The following KCNK5 variants were observed in gnomAD, a reference collection of about 807,000 sequenced individuals.
The protein encoded by KCNK5 is potassium two pore domain channel subfamily K member 5, also known as potassium channel subfamily K member 5.
In KCNK5, 18 loss-of-function variants were observed where a neutral mutation model predicts 32.9. The observed-to-expected ratio is 0.55, with a 90% CI of 0.38 to 0.81. The LOEUF is 0.81. Among genes scored for constraint, KCNK5 ranks in the 30% least tolerant of loss-of-function variants. The pLI, the probability that KCNK5 is intolerant of heterozygous loss-of-function variation, is 0.00. For synonymous variants in KCNK5, 276 were observed against 275.3 expected (o/e 1.00, Z -0.03); for missense variants, 507 against 651.0 (o/e 0.78, Z 2.41).
At chr6:39,211,185 T>A (rs959138986) in intron 1 of KCNK5, among the ~76,000 whole-genome samples, 29 of 152,282 alleles carry the variant, frequency 1.9e-4, no homozygotes, top group African/African-American at 6.7e-4. Context: ...TGAGGGATAC[T>A]TGGTGCTTCC....
Position 39,194,428 on chromosome 6 carries a change from G to A in KCNK5, c.466-91C>T. The A allele has an allele frequency of 6.8e-7, 1 of 1,468,460 alleles. No homozygotes were observed. Among genetic ancestry groups the A allele is most frequent in the Non-Finnish European group, 9.2e-7 (1 of 1,083,838 alleles). 91.0% of individuals were successfully genotyped at this position (1,468,460 alleles called of 1,614,324 possible). On this transcript the variant is annotated intron_variant, in intron 3 of 4. Transcript: ENST00000359534. The surrounding 1 kb of genome is among the most constrained non-coding windows in gnomAD (Gnocchi z 4.7). ...GAGGGCCAGGGAGGCAGCTAGAGGAGAAGCTAGCTGGGTACCCAGCCTGAC... is the reference window on the plus strand; with the variant it reads ...GAGGGCCAGGGAGGCAGCTAGAGGAAAAGCTAGCTGGGTACCCAGCCTGAC...
Position 39,195,999 on chromosome 6 carries a change from A to G in KCNK5, c.187-12T>C. On this transcript the variant is annotated splice_polypyrimidine_tract_variant and intron_variant, in intron 1 of 4. Coordinates refer to ENST00000359534, the MANE Select transcript of KCNK5 (RefSeq NM_003740.4). ...GCATCAGATACCACCTAAAATGAGAAACAGTAAAGGTCAGAGCTGAGGCCA... is the reference window on the plus strand; with the variant it reads ...GCATCAGATACCACCTAAAATGAGAGACAGTAAAGGTCAGAGCTGAGGCCA... 1 of 1,600,054 alleles carries G rather than the reference A, an allele frequency of 6.2e-7. No homozygotes were observed. The highest frequency in any genetic ancestry group is 2.2e-5 in the East Asian group (1 of 44,738).
rs1312968961 is a variant in KCNK5, at chr6:39,191,593, G to A, written c.797C>T (p.Ser266Phe). 3 of 1,613,826 alleles carry A rather than the reference G, an allele frequency of 1.9e-6. No individual in the cohort carries two copies. The African/African-American group carries it at 4.0e-5, about 22-fold the overall frequency. ...IKKRRRRRKE[S>F]FESSPHSRKA... is the part of the protein sequence containing the mutation. ...CCGGGAGTGTGGGGAGCTCTCAAAG[G>A]ACTCCTTCCGTCGCCGCCGCCGCTT... is the stretch of plus-strand genomic sequence containing the variant. Residue 266 changes from serine to phenylalanine, a missense_variant, in exon 5 of 5, where the codon TCC becomes TTC. Physicochemically the swap from Ser to Phe is radical, Grantham distance 155. This residue lies in a region of KCNK5 where 42 missense variants were observed against 35.3 expected (regional missense o/e 1.19). Coordinates refer to ENST00000359534, the MANE Select transcript of KCNK5 (RefSeq NM_003740.4). The surrounding 1 kb of genome is among the most constrained non-coding windows in gnomAD (Gnocchi z 5.8).
chr6:39,228,811 TG>T, intron 1 of KCNK5, 114 bp downstream of exon 1: 1 of 1,025,798 alleles, frequency 9.7e-7, no homozygotes, highest in Non-Finnish European at 1.5e-6. Context: ...CATCACCCCC[TG>T]GACCTTCCAC....
chr6:39,194,871 G>T lies in KCNK5; in HGVS notation c.299-111C>A. 1 of 868,342 alleles carries T rather than the reference G, an allele frequency of 1.2e-6. No individual in the cohort carries two copies. Among genetic ancestry groups the T allele is most frequent in the Non-Finnish European group, 1.8e-6 (1 of 541,080 alleles). The allele number at this position is 868,342 out of a possible 1,614,324, so 53.8% of individuals were successfully genotyped here. On this transcript the variant is annotated intron_variant, in intron 2 of 4. Coordinates refer to ENST00000359534, the MANE Select transcript of KCNK5 (RefSeq NM_003740.4). The surrounding 1 kb of genome is among the most constrained non-coding windows in gnomAD (Gnocchi z 4.7). Reference sequence around the variant, plus strand: ...TAAGATAAATTGATATTGATCTATTGTCAGTACTTAAGTAATGATATTTCC... The same window carrying T: ...TAAGATAAATTGATATTGATCTATTTTCAGTACTTAAGTAATGATATTTCC...
intron 1 of KCNK5, among the ~76,000 whole-genome samples, chr6:39,208,391 T>C (rs1771266292): frequency 6.6e-6 from 1 of 152,160 alleles, no homozygotes; most frequent in South Asian, 2.1e-4. Flanking sequence ...GAGCTGGTTT[T>C]CTCATCCACC....
In KCNK5 at chr6:39,205,210, C is replaced by T. The variant is rs1005302626; in HGVS notation, c.187-9223G>A. 3.9e-5 allele frequency among the ~76,000 whole-genome samples: 6 copies of T among 152,266 alleles called. No individual in the cohort carries two copies. The East Asian group carries it at 7.7e-4, about 20-fold the overall frequency. ...CAGGCACCTGGAGGGCTGAGCTGAT[C>T]AGTGACTGACACTGGAAATCCCTGT... On this transcript the variant is annotated intron_variant, in intron 1 of 4. Transcript: ENST00000359534.
At chr6:39,217,774 G>A (rs935062872) in intron 1 of KCNK5, among the ~76,000 whole-genome samples, 2 of 152,228 alleles carry the variant, frequency 1.3e-5, no homozygotes, top group Admixed American at 1.3e-4. Flanking sequence ...GGGCGCAGAC[G>A]CAGGAGGAGC....
intron 1 of KCNK5, among the ~76,000 whole-genome samples, chr6:39,205,811 G>A (rs1771214226): frequency 6.6e-6 from 1 of 152,166 alleles, no homozygotes; most frequent in African/African-American, 2.4e-5. Context: ...CTAAGGTGGG[G>A]TTAGAGAGCT....
chr6:39,215,834 C>G (rs1771423420), intron 1 of KCNK5, among the ~76,000 whole-genome samples: 1 of 152,196 alleles, frequency 6.6e-6, no homozygotes, highest in African/African-American at 2.4e-5. Flanking sequence ...CCCCTGACCA[C>G]AAACCTGTCA....
At position 39,191,236 on chromosome 6, in the gene KCNK5, G is replaced by C; in HGVS notation, c.1154C>G (p.Ser385Cys). The C allele has an allele frequency of 6.2e-7, 1 of 1,614,162 alleles. No homozygotes were observed. Among genetic ancestry groups the C allele is most frequent in the African/African-American group, 1.3e-5 (1 of 75,074 alleles). Residue 385 changes from serine to cysteine, a missense_variant, in exon 5 of 5, where the codon TCC (serine) becomes TGC (cysteine). Ser to Cys is a moderately radical substitution (Grantham distance 112). Coordinates refer to ENST00000359534, the MANE Select transcript of KCNK5 (RefSeq NM_003740.4). This position sits in a 1 kb window ranked among gnomAD's most constrained non-coding sequence, Gnocchi z 5.8. ...GTTCATGAACACCTCGGGGGCAGGG[G>C]AGCTGTCTTCAGGGGCCCGTGCCAC... ...EAVARAPEDS[S>C]PAPEVFMNQL...
rs35556399 is a variant in KCNK5 at position 39,191,437 on chromosome 6, C to G, written c.953G>C (p.Gly318Ala). 6.2e-7 allele frequency: 1 copy of G among 1,613,044 alleles called. No individual in the cohort carries two copies. Among genetic ancestry groups the G allele is most frequent in the Non-Finnish European group, 8.5e-7 (1 of 1,179,918 alleles). The change falls in exon 5 of 5, where the codon GGT (glycine) becomes GCT (alanine). Residue 318 changes from glycine (G) to alanine (A), a missense_variant. Around this residue, in one of 6 missense-constraint regions of KCNK5, gnomAD observed 252 missense variants for 250.8 expected, o/e 1.00. Coordinates refer to ENST00000359534, the MANE Select transcript of KCNK5 (RefSeq NM_003740.4). This position sits in a 1 kb window ranked among gnomAD's most constrained non-coding sequence, Gnocchi z 5.8. ...IGKKAMKTSG[G>A]GETGPGPGLG... ...CCCTGGGCCCGGGCCCGTCTCCCCA[C>G]CCCCGCTTGTCTTCATGGCCTTCTT...
Position 39,229,425 on chromosome 6 carries a change from C to T in KCNK5, c.-314G>A, listed in dbSNP as rs1220305289. On this transcript the variant is annotated 5_prime_UTR_variant, in exon 1 of 5. The change creates a new upstream start codon in the 5' untranslated region. Coordinates refer to ENST00000359534, the MANE Select transcript of KCNK5 (RefSeq NM_003740.4). ...CACAGGACTTGACTCTGGGCAGACA[C>T]GTGGGCCGCTTCTCCACGCGTCGCT... is the stretch of plus-strand genomic sequence containing the variant. The T allele has an allele frequency of 2.5e-5, 8 of 325,274 alleles. No homozygotes were observed. Among genetic ancestry groups the T allele is most frequent in the African/African-American group, 8.5e-5 (4 of 47,090 alleles). The allele number at this position is 325,274 out of a possible 1,614,324, so 20.1% of individuals were successfully genotyped here. A position where few individuals can be genotyped will look rare whatever the true frequency, so the allele number is the denominator to read the frequency against.
chr6:39,221,131 C>G (rs563583645), intron 1 of KCNK5, among the ~76,000 whole-genome samples: 22 of 152,298 alleles, frequency 1.4e-4, no homozygotes, highest in South Asian at 8.3e-4. Flanking sequence ...TAGCCTCAGA[C>G]AAGTTATTCA....
intron 1 of KCNK5, among the ~76,000 whole-genome samples, chr6:39,197,933 C>T (rs565864151): frequency 3.0e-4 from 45 of 152,318 alleles, no homozygotes; most frequent in Admixed American, 2.3e-3. Flanking sequence ...AAGCTGTTCC[C>T]ATTTTTCACA....
chr6:39,191,020 G>T lies in KCNK5; in HGVS notation c.1370C>A (p.Ala457Glu), dbSNP rs374565725. Residue 457 changes from alanine to glutamate, a missense_variant, in exon 5 of 5, where the codon GCG (alanine) becomes GAG (glutamate). Around this residue, in one of 6 missense-constraint regions of KCNK5, gnomAD observed 252 missense variants for 250.8 expected, o/e 1.00. Transcript: ENST00000359534. This position sits in a 1 kb window ranked among gnomAD's most constrained non-coding sequence, Gnocchi z 5.8. Reference protein sequence around the residue: ...ESPQQGAEAKAPLNMGEFPSS... With the variant: ...ESPQQGAEAKEPLNMGEFPSS... ...GGGGAACTCGCCCATGTTCAGGGGCGCCTTGGCTTCAGCCCCCTGCTGGGG... is the reference window on the plus strand; with the variant it reads ...GGGGAACTCGCCCATGTTCAGGGGCTCCTTGGCTTCAGCCCCCTGCTGGGG... The T allele has an allele frequency of 4.2e-5, 67 of 1,599,676 alleles. No individual in the cohort carries two copies. Among genetic ancestry groups the T allele is most frequent in the African/African-American group, 4.2e-4 (31 of 74,320 alleles).
intron 1 of KCNK5, among the ~76,000 whole-genome samples, chr6:39,217,118 C>CAAA (rs57204833): frequency 7.4e-4 from 55 of 74,316 alleles, no homozygotes; most frequent in African/African-American, 2.0e-3. Context: ...AAAACTCCAT[C>CAAA]AAAAAAAAAA....
chr6:39,216,927 G>A (rs969520124), intron 1 of KCNK5, among the ~76,000 whole-genome samples: 2 of 151,810 alleles, frequency 1.3e-5, no homozygotes, highest in East Asian at 1.9e-4. Context: ...TTCGAGAACC[G>A]CCTGACCAAC....
At chr6:39,192,462 T>C (rs879354956) in intron 4 of KCNK5, among the ~76,000 whole-genome samples, 1 of 152,106 alleles carries the variant, frequency 6.6e-6, no homozygotes, top group Non-Finnish European at 1.5e-5. Flanking sequence ...ACAGTTCACT[T>C]AAAAACGGAA....
Sources: gnomAD v4.1 joint callset for allele counts (sites outside exome capture counted in the v4.1 genomes callset) on GRCh38, gnomAD v4.1.1 for gene constraint, gnomAD v4.1.1 regional missense constraint, Gnocchi (gnomAD v3.1) non-coding constraint, MANE v1.5 for transcripts, NCBI Gene and HGNC (gene_info 2026-07-23, HGNC 2026-07-21) for gene names.